Variants in FAF1 observed in about 807,000 individuals in gnomAD.
FAF1 encodes FAS-associated factor 1.
A neutral mutation model predicts 92.5 loss-of-function variants in FAF1; 25 were observed. That is an observed-to-expected ratio of 0.27 (90% CI 0.20 to 0.38). The LOEUF (loss-of-function observed/expected upper bound fraction) is 0.38. Ranked by LOEUF, FAF1 falls within the 10% of genes least tolerant of loss-of-function variation. FAF1 has a pLI of 1.00. For synonymous variants in FAF1, 234 were observed against 273.2 expected (o/e 0.86, Z 1.42); for missense variants, 636 against 793.3 (o/e 0.80, Z 2.38).
At chr1:50,661,038 A>C (rs1160320517) in intron 7 of FAF1, among the ~76,000 whole-genome samples, 2 of 152,222 alleles carry the variant, frequency 1.3e-5, no homozygotes, top group Non-Finnish European at 2.9e-5. Flanking sequence ...AATGCTACAA[A>C]ATGGAGAAAC....
At chr1:50,959,348 A>T (rs1177163263) in intron 1 of FAF1, among the ~76,000 whole-genome samples, 1 of 152,064 alleles carries the variant, frequency 6.6e-6, no homozygotes, top group East Asian at 1.9e-4. Context: ...CCCTTAATAC[A>T]ATATAAATAC....
chr1:50,610,909 G>C (rs1322810772), intron 8 of FAF1, among the ~76,000 whole-genome samples: 1 of 152,272 alleles, frequency 6.6e-6, no homozygotes, highest in African/African-American at 2.4e-5. Flanking sequence ...GTCACAAAAT[G>C]TAATTTAAAC....
At chr1:50,658,212 TAA>T (rs1655212351) in intron 7 of FAF1, among the ~76,000 whole-genome samples, 2 of 151,988 alleles carry the variant, frequency 1.3e-5, no homozygotes, top group Non-Finnish European at 2.9e-5. Context: ...TTAAAATAAT[TAA>T]GAAATTATTA....
At chr1:50,509,504 T>G (rs1647106060) in intron 15 of FAF1, among the ~76,000 whole-genome samples, 1 of 152,046 alleles carries the variant, frequency 6.6e-6, no homozygotes. Context: ...CCCAGCTACT[T>G]GGGTGGCTGA....
chr1:50,959,916 C>A lies in FAF1; in HGVS notation c.-105G>T. ...CACCGCCGCCGCCGCCGCCGGGCGC[C>A]GAGGGGCTGGCGGGCGAGCCGGCGG... On this transcript the variant is annotated 5_prime_UTR_variant, in exon 1 of 19. Coordinates refer to ENST00000396153, the MANE Select transcript of FAF1 (RefSeq NM_007051.3). The A allele has an allele frequency of 1.4e-6, 1 of 694,428 alleles. No homozygotes were observed. The highest frequency in any genetic ancestry group is 6.4e-5 in the South Asian group (1 of 15,508). The allele number at this position is 694,428 out of a possible 1,614,324, so 43.0% of individuals were successfully genotyped here. A position where few individuals can be genotyped will look rare whatever the true frequency, so the allele number is the denominator to read the frequency against.
At chr1:50,853,365 C>T (rs765906621) in intron 2 of FAF1, among the ~76,000 whole-genome samples, 2 of 152,132 alleles carry the variant, frequency 1.3e-5, no homozygotes, top group Non-Finnish European at 2.9e-5. Flanking sequence ...GTGTATATGA[C>T]TGTACTATAA....
At chr1:50,691,211 T>C (rs1197563306) in intron 7 of FAF1, among the ~76,000 whole-genome samples, 1 of 152,152 alleles carries the variant, frequency 6.6e-6, no homozygotes, top group Non-Finnish European at 1.5e-5. Context: ...AGTTCTCATT[T>C]CTCAACATCT....
intron 1 of FAF1, among the ~76,000 whole-genome samples, chr1:50,941,089 T>C (rs568775434): frequency 6.6e-6 from 1 of 151,888 alleles, no homozygotes; most frequent in East Asian, 1.9e-4. Context: ...TAGAGTGCAG[T>C]GGCACAATCT....
At chr1:50,801,733 G>A in intron 2 of FAF1, 56 bp from the exon 3 acceptor site, 1 of 959,670 alleles carries the variant, frequency 1.0e-6, no homozygotes, top group Non-Finnish European at 1.7e-6. Context: ...GCCCAAGTGT[G>A]GTGGAGAACA....
At chr1:50,524,252 T>C (rs547963220) in intron 15 of FAF1, among the ~76,000 whole-genome samples, 1 of 152,224 alleles carries the variant, frequency 6.6e-6, no homozygotes, top group African/African-American at 2.4e-5. Context: ...TTGTTATTTG[T>C]AAATTTAAGT....
At position 50,746,292 on chromosome 1, in the gene FAF1, ATTTTTTTTTTTTT is replaced by A. The variant is rs1165741663; in HGVS notation, c.368-1530_368-1518del. ...TATATATATATATATATATATATAT[ATTTTTTTTTTTTT>A]TTTTTTTTTTTTTTTGAGACAGAGT... On this transcript the variant is annotated intron_variant, in intron 4 of 18. Transcript: ENST00000396153. 1.8e-4 allele frequency among the ~76,000 whole-genome samples: 4 copies of A among 22,680 alleles called. No individual in the cohort carries two copies. The South Asian group carries it at 9.7e-3, about 55-fold the overall frequency. 14.9% of individuals were successfully genotyped at this position (22,680 alleles called of 152,430 possible).
intron 1 of FAF1, among the ~76,000 whole-genome samples, chr1:50,950,359 C>T (rs754935392): frequency 1.1e-4 from 16 of 152,316 alleles, no homozygotes; most frequent in South Asian, 6.2e-4. Flanking sequence ...TTTACTAAAA[C>T]CTAGAAAAGT....
intron 13 of FAF1, among the ~76,000 whole-genome samples, chr1:50,566,148 T>C (rs1465990387): frequency 2.6e-5 from 4 of 152,128 alleles, no homozygotes; most frequent in Non-Finnish European, 5.9e-5. Flanking sequence ...AACATTATTT[T>C]GCCTCACATT....
intron 1 of FAF1, among the ~76,000 whole-genome samples, chr1:50,917,603 A>T (rs571959152): frequency 1.4e-5 from 2 of 141,848 alleles, no homozygotes; most frequent in South Asian, 4.5e-4. Flanking sequence ...GAAAGGAAAA[A>T]GGAAAGGAAA....
intron 3 of FAF1, 111 bp downstream of exon 3, chr1:50,801,520 T>TTA: frequency 1.6e-6 from 1 of 615,262 alleles, no homozygotes; most frequent in Non-Finnish European, 2.9e-6. Flanking sequence ...GTTAATGAAC[T>TTA]TATATACCCC....
chr1:50,656,114 C>T (rs977828898), intron 7 of FAF1, among the ~76,000 whole-genome samples: 1 of 152,014 alleles, frequency 6.6e-6, no homozygotes, highest in African/African-American at 2.4e-5. Flanking sequence ...GGTGGATCAC[C>T]TGAGGTCAGG....
intron 18 of FAF1, among the ~76,000 whole-genome samples, chr1:50,458,836 T>C (rs2148986475): frequency 6.6e-6 from 1 of 152,358 alleles, no homozygotes; most frequent in South Asian, 2.1e-4. Context: ...GTACTATCAT[T>C]ATCCTTATCC....
chr1:50,634,748 A>G (rs1379465219), intron 8 of FAF1, among the ~76,000 whole-genome samples: 2 of 152,188 alleles, frequency 1.3e-5, no homozygotes, highest in African/African-American at 4.8e-5. Flanking sequence ...GCTTAATATA[A>G]TGCAAGAAAC....
chr1:50,760,536 T>G (rs1334364165), intron 4 of FAF1, among the ~76,000 whole-genome samples: 1 of 152,064 alleles, frequency 6.6e-6, no homozygotes, highest in African/African-American at 2.4e-5. Flanking sequence ...AAGAAACTCA[T>G]TTAAAACTGC....
Sources: allele counts gnomAD v4.1 joint callset (sites outside exome capture counted in the v4.1 genomes callset), GRCh38; gene constraint gnomAD v4.1.1; transcripts MANE v1.5; gene names NCBI Gene and HGNC (gene_info 2026-07-23, HGNC 2026-07-21).